Variants in WWOX observed in about 807,000 individuals in gnomAD.
WWOX encodes WW domain-containing oxidoreductase.
WWOX carries 69 observed loss-of-function variants against 46.2 expected under a neutral mutation model. That is an observed-to-expected ratio of 1.49 (90% CI 1.23 to 1.82). WWOX has a LOEUF of 1.82. Among genes scored for constraint, WWOX ranks in the 40% most tolerant of loss-of-function variants. WWOX has a pLI of 0.00. For synonymous variants in WWOX, 359 were observed against 202.6 expected, an observed-to-expected ratio of 1.77 and a Z score of -6.56; for missense variants, 919 against 542.6, an observed-to-expected ratio of 1.69 and a Z score of -6.89.
intron 8 of WWOX, among the ~76,000 whole-genome samples, chr16:78,875,887 A>G (rs1401245917): frequency 6.6e-6 from 1 of 152,106 alleles, no homozygotes; most frequent in African/African-American, 2.4e-5. Context: ...CTTAGTAGAA[A>G]CTTGTTCTAA....
intron 5 of WWOX, among the ~76,000 whole-genome samples, chr16:78,229,298 C>T (rs1458464869): frequency 6.6e-6 from 1 of 150,720 alleles, no homozygotes; most frequent in East Asian, 1.9e-4. Context: ...TAAAAAGAGC[C>T]AGGACTAGAA....
At chr16:78,639,714 C>G (rs1244644224) in intron 8 of WWOX, among the ~76,000 whole-genome samples, 1 of 152,090 alleles carries the variant, frequency 6.6e-6, no homozygotes, top group Non-Finnish European at 1.5e-5. Context: ...CAGGTGCCCG[C>G]CACCACGCCC....
At chr16:78,236,518 T>A (rs1437974091) in intron 5 of WWOX, among the ~76,000 whole-genome samples, 2 of 152,178 alleles carry the variant, frequency 1.3e-5, no homozygotes, top group African/African-American at 4.8e-5. Flanking sequence ...GCACAGGAAT[T>A]GCCTTCAAGT....
intron 8 of WWOX, among the ~76,000 whole-genome samples, chr16:78,448,489 C>G (rs759800593): frequency 1.3e-5 from 2 of 151,996 alleles, no homozygotes; most frequent in African/African-American, 2.4e-5. Context: ...AACTTCTTAC[C>G]GACAAAGCTG....
At chr16:78,500,488 G>A (rs963471403) in intron 8 of WWOX, among the ~76,000 whole-genome samples, 5 of 151,168 alleles carry the variant, frequency 3.3e-5, no homozygotes, top group African/African-American at 4.9e-5. Flanking sequence ...ATGCTGCCGC[G>A]TTGGGTTAAC....
intron 8 of WWOX, among the ~76,000 whole-genome samples, chr16:78,611,484 G>A (rs1305422965): frequency 6.6e-6 from 1 of 152,092 alleles, no homozygotes. Flanking sequence ...CTGCCTCCCT[G>A]GAGGCCTCCC....
chr16:78,941,599 G>T (rs79407453), intron 8 of WWOX, among the ~76,000 whole-genome samples: 7 of 151,992 alleles, frequency 4.6e-5, no homozygotes, highest in African/African-American at 1.7e-4. Context: ...CCACAGTGAG[G>T]TACACCTTTC....
intron 5 of WWOX, among the ~76,000 whole-genome samples, chr16:78,176,221 C>G (rs760647000): frequency 2.0e-5 from 3 of 152,186 alleles, no homozygotes; most frequent in African/African-American, 2.4e-5. Context: ...CTCAAATTCC[C>G]TAAATAATAA....
At chr16:78,496,865 G>A (rs910707588) in intron 8 of WWOX, among the ~76,000 whole-genome samples, 4 of 152,226 alleles carry the variant, frequency 2.6e-5, no homozygotes, top group Non-Finnish European at 5.9e-5. Context: ...CATGTGCATG[G>A]AAGGAGAGGA....
chr16:78,855,906 G>C (rs761150258), intron 8 of WWOX, among the ~76,000 whole-genome samples: 31 of 152,230 alleles, frequency 2.0e-4, no homozygotes, highest in South Asian at 4.1e-4. Context: ...GTAACTCGAA[G>C]TCTTTTACAG....
intron 5 of WWOX, among the ~76,000 whole-genome samples, chr16:78,201,523 A>G (rs1271484665): frequency 2.0e-5 from 3 of 152,092 alleles, no homozygotes; most frequent in Non-Finnish European, 4.4e-5. Context: ...AGATATTTAT[A>G]GTTTTCTAAA....
chr16:79,139,615 C>T (rs7203720), intron 8 of WWOX, among the ~76,000 whole-genome samples: 13,969 of 151,390 alleles, frequency 0.092, 1,658 homozygotes, highest in African/African-American at 0.28. Flanking sequence ...TCTTTCTTTT[C>T]TTTTTTTAAG....
intron 8 of WWOX, among the ~76,000 whole-genome samples, chr16:79,148,101 T>C (rs1237429507): frequency 6.6e-6 from 1 of 152,226 alleles, no homozygotes; most frequent in East Asian, 1.9e-4. Flanking sequence ...TATCAATTTT[T>C]CCTTTCATCA....
At chr16:78,639,024 C>A (rs1234793490) in intron 8 of WWOX, among the ~76,000 whole-genome samples, 1 of 152,140 alleles carries the variant, frequency 6.6e-6, no homozygotes, top group East Asian at 1.9e-4. Flanking sequence ...CCTTTATAAT[C>A]TTTTACCCGT....
intron 8 of WWOX, among the ~76,000 whole-genome samples, chr16:79,190,318 C>T (rs549403439): frequency 3.5e-4 from 54 of 152,214 alleles, no homozygotes; most frequent in African/African-American, 9.9e-4. Flanking sequence ...AGCCACCGTG[C>T]CCGGCCTCAT....
At chr16:78,527,320 G>A (rs1597214683) in intron 8 of WWOX, among the ~76,000 whole-genome samples, 4 of 138,814 alleles carry the variant, frequency 2.9e-5, no homozygotes, top group Admixed American at 2.3e-4. Context: ...TGGAGACAGA[G>A]TCTCACTCTG....
chr16:78,831,712 A>G (rs933515391), intron 8 of WWOX, among the ~76,000 whole-genome samples: 3 of 152,228 alleles, frequency 2.0e-5, no homozygotes, highest in Non-Finnish European at 2.9e-5. Flanking sequence ...AGCACAAAGC[A>G]TAATCCCTGG....
chr16:78,827,938 A>T (rs910886546), intron 8 of WWOX, among the ~76,000 whole-genome samples: 5 of 152,194 alleles, frequency 3.3e-5, no homozygotes, highest in Non-Finnish European at 7.4e-5. Flanking sequence ...AGTCAGAGTA[A>T]GGGGGCTAAG....
intron 8 of WWOX, among the ~76,000 whole-genome samples, chr16:78,562,986 CT>C (rs34502877): frequency 0.2 from 29,549 of 146,616 alleles, 3,431 homozygotes; most frequent in African/African-American, 0.34. Flanking sequence ...TACAGATGTT[CT>C]TTTTTTTTTT....
Sources: allele counts gnomAD v4.1 joint callset (sites outside exome capture counted in the v4.1 genomes callset), GRCh38; gene constraint gnomAD v4.1.1; transcripts MANE v1.5; gene names NCBI Gene and HGNC (gene_info 2026-07-23, HGNC 2026-07-21).